The following MLLT3 variants were observed in gnomAD, a reference collection of about 807,000 sequenced individuals.
MLLT3 encodes the protein protein AF-9.
MLLT3 carries 4 observed loss-of-function variants against 53.2 expected under a neutral mutation model. The ratio of observed to expected loss-of-function variants is 0.08; its 90% CI spans 0.04 to 0.17. The LOEUF (loss-of-function observed/expected upper bound fraction) is 0.17. Among genes scored for constraint, MLLT3 ranks in the 10% least tolerant of loss-of-function variants. The pLI, the probability that MLLT3 is intolerant of heterozygous loss-of-function variation, is 1.00. For missense variants in MLLT3, 569 were observed against 684.0 expected (o/e 0.83, Z 1.87); for synonymous variants, 283 against 230.6 (o/e 1.23, Z -2.06).
At chr9:20,375,161 A>T (rs1009107843) in intron 5 of MLLT3, among the ~76,000 whole-genome samples, 1 of 152,226 alleles carries the variant, frequency 6.6e-6, no homozygotes, top group African/African-American at 2.4e-5. Flanking sequence ...ATGGCAGCCC[A>T]AGCTGACTAA....
chr9:20,544,021 G>A (rs1424850432), intron 2 of MLLT3, among the ~76,000 whole-genome samples: 1 of 152,078 alleles, frequency 6.6e-6, no homozygotes, highest in African/African-American at 2.4e-5. Flanking sequence ...TAAATAAACA[G>A]AACAGAATAG....
At chr9:20,458,059 T>C (rs1824014540) in intron 2 of MLLT3, among the ~76,000 whole-genome samples, 1 of 152,176 alleles carries the variant, frequency 6.6e-6, no homozygotes, top group Admixed American at 6.5e-5. Flanking sequence ...TTCCCACCAG[T>C]GCCTGGTCCT....
intron 2 of MLLT3, among the ~76,000 whole-genome samples, chr9:20,536,151 T>C (rs550607985): frequency 1.3e-5 from 2 of 151,568 alleles, no homozygotes; most frequent in South Asian, 2.1e-4. Flanking sequence ...GCCATGCGAC[T>C]ACCATTACTA....
chr9:20,563,662 C>T lies in MLLT3; in HGVS notation c.193+56992G>A, dbSNP rs139727804. Among the ~76,000 whole-genome samples the T allele has an allele frequency of 4.0e-3, 607 of 152,176 alleles. 3 individuals carry two copies. The highest frequency in any genetic ancestry group is 0.012 in the African/African-American group (518 of 41,530). On this transcript the variant is annotated intron_variant, in intron 2 of 10. Coordinates refer to ENST00000380338, the MANE Select transcript of MLLT3 (RefSeq NM_004529.4). ...AAGCCTCTCAGCTGGGTTAGAAAGC[C>T]CATTGTTTTTTTCCCTTTATCCTTC... is the stretch of plus-strand genomic sequence containing the variant.
At chr9:20,601,322 C>T (rs1162539726) in intron 2 of MLLT3, among the ~76,000 whole-genome samples, 1 of 152,156 alleles carries the variant, frequency 6.6e-6, no homozygotes, top group Admixed American at 6.5e-5. Flanking sequence ...GTTTATTCTG[C>T]GTGTTTCTAA....
intron 4 of MLLT3, chr9:20,418,203 G>C (rs1361532276): frequency 6.6e-6 from 1 of 151,316 alleles, no homozygotes; most frequent in African/African-American, 2.5e-5. Context: ...GCATATGTAG[G>C]GGTAGGAAAA....
intron 2 of MLLT3, among the ~76,000 whole-genome samples, chr9:20,503,848 T>G (rs564505321): frequency 6.6e-6 from 1 of 151,990 alleles, no homozygotes; most frequent in Admixed American, 6.5e-5. Context: ...CTCAAACAAC[T>G]CAATAGCAAG....
chr9:20,511,739 C>T (rs1817754202), intron 2 of MLLT3, among the ~76,000 whole-genome samples: 1 of 152,044 alleles, frequency 6.6e-6, no homozygotes, highest in South Asian at 2.1e-4. Context: ...CACAGATACA[C>T]ATACATACAT....
chr9:20,550,831 C>T (rs1410912635), intron 2 of MLLT3, among the ~76,000 whole-genome samples: 1 of 152,208 alleles, frequency 6.6e-6, no homozygotes, highest in Admixed American at 6.5e-5. Context: ...GATCATAGCT[C>T]ACTATAACTA....
At chr9:20,601,126 G>A (rs1191576196) in intron 2 of MLLT3, among the ~76,000 whole-genome samples, 2 of 114,894 alleles carry the variant, frequency 1.7e-5, no homozygotes, top group African/African-American at 3.8e-5. Context: ...ACGTCAAAAC[G>A]TCAGAATGAC....
At chr9:20,581,458 G>A (rs569621581) in intron 2 of MLLT3, among the ~76,000 whole-genome samples, 1 of 152,178 alleles carries the variant, frequency 6.6e-6, no homozygotes, top group Non-Finnish European at 1.5e-5. Flanking sequence ...GTTCTAAGAG[G>A]CCACTTTAAT....
chr9:20,539,728 CT>C (rs1477198662), intron 2 of MLLT3, among the ~76,000 whole-genome samples: 2 of 151,862 alleles, frequency 1.3e-5, no homozygotes, highest in Non-Finnish European at 2.9e-5. Flanking sequence ...CATTCTTCCC[CT>C]GACCCCTCCC....
chr9:20,369,574 A>G (rs1042397706), intron 5 of MLLT3, among the ~76,000 whole-genome samples: 1 of 152,194 alleles, frequency 6.6e-6, no homozygotes, highest in Admixed American at 6.5e-5. Context: ...TTCACCTGTT[A>G]ACTGCTCAAA....
At chr9:20,361,139 A>G (rs1821311678) in intron 7 of MLLT3, among the ~76,000 whole-genome samples, 1 of 152,232 alleles carries the variant, frequency 6.6e-6, no homozygotes, top group African/African-American at 2.4e-5. Flanking sequence ...GAATTCAAAT[A>G]CAAGCAAGTG....
intron 2 of MLLT3, among the ~76,000 whole-genome samples, chr9:20,600,805 C>A (rs1820402044): frequency 6.6e-6 from 1 of 152,156 alleles, no homozygotes; most frequent in Non-Finnish European, 1.5e-5. Flanking sequence ...AACTATAGAG[C>A]CTTCCCCTAG....
chr9:20,553,721 A>G (rs917213803), intron 2 of MLLT3, among the ~76,000 whole-genome samples: 18 of 152,180 alleles, frequency 1.2e-4, no homozygotes, highest in African/African-American at 4.3e-4. Flanking sequence ...AGACATTCTT[A>G]TCTTACAGAT....
intron 5 of MLLT3, among the ~76,000 whole-genome samples, chr9:20,374,035 C>G (rs1821687989): frequency 6.6e-6 from 1 of 151,354 alleles, no homozygotes; most frequent in South Asian, 2.1e-4. Flanking sequence ...TTTAGTTTCT[C>G]CTCTGTAGGA....
intron 2 of MLLT3, among the ~76,000 whole-genome samples, chr9:20,458,331 C>G (rs1824022630): frequency 6.6e-6 from 1 of 152,144 alleles, no homozygotes; most frequent in African/African-American, 2.4e-5. Context: ...GATAGAGTGT[C>G]AAGGGCTCAG....
chr9:20,473,071 G>C (rs1343155151), intron 2 of MLLT3, among the ~76,000 whole-genome samples: 1 of 151,976 alleles, frequency 6.6e-6, no homozygotes, highest in East Asian at 1.9e-4. Flanking sequence ...GAAACTCTGG[G>C]GTAGTCCGTA....
Sources: allele counts gnomAD v4.1 joint callset (sites outside exome capture counted in the v4.1 genomes callset), GRCh38; gene constraint gnomAD v4.1.1; transcripts MANE v1.5; gene names NCBI Gene and HGNC (gene_info 2026-07-23, HGNC 2026-07-21).